FOXM1: variants seen among roughly 807,000 people sequenced by gnomAD.
FOXM1 encodes forkhead box protein M1.
Under a neutral mutation model 63.6 loss-of-function variants are expected in FOXM1, and 25 were observed. The observed-to-expected ratio is 0.39, with a 90% confidence interval of 0.29 to 0.55. The LOEUF is 0.55. FOXM1 is among the 20% of genes least tolerant of loss of function. FOXM1 has a pLI of 0.60. For synonymous variants in FOXM1, 387 were observed against 376.9 expected, an observed-to-expected ratio of 1.03 and a Z score of -0.31; for missense variants, 879 against 958.7, an observed-to-expected ratio of 0.92 and a Z score of 1.10.
chr12:2,875,766 T>A lies in FOXM1; in HGVS notation c.-48+1154A>T, dbSNP rs891607017. 8.0e-3 allele frequency among the ~76,000 whole-genome samples: 1,205 copies of A among 150,282 alleles called. 18 individuals carry two copies. Among genetic ancestry groups the A allele is most frequent in the African/African-American group, 0.027 (1,114 of 40,796 alleles). ...TCTTTTGTTGATTTTTTTTAATTTT[T>A]TTTTTTTTTTTGAGACGGAGCTTCG... is the stretch of plus-strand genomic sequence containing the variant. On this transcript the variant is annotated intron_variant, in intron 1 of 8. Coordinates refer to ENST00000359843, the MANE Select transcript of FOXM1 (RefSeq NM_021953.4).
At chr12:2,870,346 C>T (rs563251387) in intron 3 of FOXM1, among the ~76,000 whole-genome samples, 139 of 152,266 alleles carry the variant, frequency 9.1e-4, no homozygotes, top group Middle Eastern at 3.4e-3. Context: ...GAACAGAAAA[C>T]CAAATATTGC....
chr12:2,868,611 A>G lies in FOXM1; in HGVS notation c.798T>C (p.Ile266=), dbSNP rs1222364837. The change falls in exon 4 of 9, where the codon ATT becomes ATC. Residue 266 remains isoleucine, a synonymous_variant. Coordinates refer to ENST00000359843, the MANE Select transcript of FOXM1 (RefSeq NM_021953.4). ...GCTTAAAGTAGGGAAAGTGGTCCTC[A>G]ATCCACGTATAGATGTCTTTCAAAG... ...RMTLKDIYTW[I]EDHFPYFKHI... The G allele has an allele frequency of 4.3e-6, 7 of 1,613,678 alleles. No individual in the cohort carries two copies. The highest frequency in any genetic ancestry group is 2.2e-5 in the East Asian group (1 of 44,888).
intron 1 of FOXM1, chr12:2,876,640 T>G (rs1463242811): frequency 6.6e-6 from 1 of 152,358 alleles, no homozygotes; most frequent in African/African-American, 2.4e-5. Flanking sequence ...ACAGTCGGCC[T>G]AAGAAGGTAG....
Position 2,876,895 on chromosome 12 carries a change from G to T in FOXM1, c.-48+25C>A, listed in dbSNP as rs71579232. ...CCGCCTGTGCCCAGGCCAGGCCTGG[G>T]ACTCCATTGCTGCATCCCGCTCACC... On this transcript the variant is annotated intron_variant, in intron 1 of 8. Coordinates refer to ENST00000359843, the MANE Select transcript of FOXM1 (RefSeq NM_021953.4). 893 of 152,704 alleles carry T rather than the reference G, an allele frequency of 5.8e-3. 5 individuals carry two copies. The highest frequency in any genetic ancestry group is 8.7e-3 in the Non-Finnish European group (593 of 68,398). The allele number at this position is 152,704 out of a possible 1,614,324, so 9.5% of individuals were successfully genotyped here.
Position 2,868,716 on chromosome 12 carries a change from G to A in FOXM1, c.693C>T (p.Asn231=). The A allele has an allele frequency of 6.2e-7, 1 of 1,613,834 alleles. No homozygotes were observed. The highest frequency in any genetic ancestry group is 8.5e-7 in the Non-Finnish European group (1 of 1,179,914). The change falls in exon 4 of 9, where the codon AAC becomes AAT. Residue 231 remains asparagine, a synonymous_variant. Coordinates refer to ENST00000359843, the MANE Select transcript of FOXM1 (RefSeq NM_021953.4). ...AGTAGGGTGGCCGCTCAGACACAGA[G>A]TTCTGCCAGGACGCTGATGGTCTCG... The part of the protein sequence containing the change: ...EPSRPSASWQ[N]SVSERPPYSY...
Position 2,858,282 on chromosome 12 carries a change from T to G in FOXM1, c.*356A>C. 1 of 200,358 alleles carries G rather than the reference T, an allele frequency of 5.0e-6. No homozygotes were observed. Among genetic ancestry groups the G allele is most frequent in the Non-Finnish European group, 1.0e-5 (1 of 99,086 alleles). The allele number at this position is 200,358 out of a possible 1,614,324, so 12.4% of individuals were successfully genotyped here. Reference sequence around the variant, plus strand: ...CTTACATTTATAATTAGAGGATAATTTGGAGAATTTATACTATTTACACGG... The same window carrying G: ...CTTACATTTATAATTAGAGGATAATGTGGAGAATTTATACTATTTACACGG... On this transcript the variant is annotated 3_prime_UTR_variant, in exon 9 of 9. Coordinates refer to ENST00000359843, the MANE Select transcript of FOXM1 (RefSeq NM_021953.4).
intron 3 of FOXM1, among the ~76,000 whole-genome samples, chr12:2,869,396 A>G (rs1021986335): frequency 6.6e-6 from 1 of 151,300 alleles, no homozygotes; most frequent in Non-Finnish European, 1.5e-5. Flanking sequence ...TCAGCCTCCA[A>G]GTAGCTGGGA....
Position 2,859,317 on chromosome 12 carries a change from C to A in FOXM1, c.1613G>T (p.Arg538Met), listed in dbSNP as rs2098103187. 1 of 1,613,438 alleles carries A rather than the reference C, an allele frequency of 6.2e-7. No individual in the cohort carries two copies. Among genetic ancestry groups the A allele is most frequent in the African/African-American group, 1.3e-5 (1 of 74,878 alleles). The change falls in exon 9 of 9, where the codon AGG becomes ATG. Residue 538 changes from arginine to methionine, a missense_variant. Transcript: ENST00000359843. ...SEMLVIQHRE[R>M]RERSRSRRKQ... ...TCTCCGAGACCGGCTCCTCTCCCTCCTCTCCCTGTGTTGAATCACAAGCAT... is the reference window on the plus strand; with the variant it reads ...TCTCCGAGACCGGCTCCTCTCCCTCATCTCCCTGTGTTGAATCACAAGCAT...
chr12:2,860,746 C>T (rs575148829), intron 8 of FOXM1, among the ~76,000 whole-genome samples: 3 of 151,832 alleles, frequency 2.0e-5, no homozygotes, highest in Non-Finnish European at 4.4e-5. Context: ...GTGGCATGCA[C>T]CTGTAATCCC....
chr12:2,874,660 G>A lies in FOXM1; in HGVS notation c.-47-135C>T, dbSNP rs946831953. ...CCAGGTAAACATTCCATGGACTTTTGTAAAGACCTCAGATAATAAGGAGAT... is the reference window on the plus strand; with the variant it reads ...CCAGGTAAACATTCCATGGACTTTTATAAAGACCTCAGATAATAAGGAGAT... On this transcript the variant is annotated intron_variant, in intron 1 of 8. Transcript: ENST00000359843. The surrounding 1 kb of genome is among the most constrained non-coding windows in gnomAD (Gnocchi z 4.3). 39 of 630,776 alleles carry A rather than the reference G, an allele frequency of 6.2e-5. No individual in the cohort carries two copies. In the East Asian group the frequency reaches 9.0e-4, roughly 14 times the overall value. The allele number at this position is 630,776 out of a possible 1,614,324, so 39.1% of individuals were successfully genotyped here. A position where few individuals can be genotyped will look rare whatever the true frequency, so the allele number is the denominator to read the frequency against.
At chr12:2,865,497 T>C in intron 5 of FOXM1, 98 bp from the exon 6 acceptor site, 1 of 977,324 alleles carries the variant, frequency 1.0e-6, no homozygotes, top group South Asian at 1.5e-5. Context: ...TCCTGACTGA[T>C]GACAAAAGAC....
rs2098120250 is a variant in FOXM1, at chr12:2,864,821, AC to A, written c.1021-70del. 3 of 1,518,862 alleles carry A rather than the reference AC, an allele frequency of 2.0e-6. No individual in the cohort carries two copies. Among genetic ancestry groups the A allele is most frequent in the Middle Eastern group, 1.7e-4 (1 of 5,880 alleles). 94.1% of individuals were successfully genotyped at this position (1,518,862 alleles called of 1,614,324 possible). On this transcript the variant is annotated intron_variant, in intron 6 of 8. Transcript: ENST00000359843. This position sits in a 1 kb window ranked among gnomAD's most constrained non-coding sequence, Gnocchi z 5.1. ...AATAAGGTAAAGAGGGGATGGCAAAACCCCACCAGCTGCTCTGGTGGTGTGT... is the reference window on the plus strand; with the variant it reads ...AATAAGGTAAAGAGGGGATGGCAAAACCCACCAGCTGCTCTGGTGGTGTGT...
chr12:2,872,752 G>A lies in FOXM1; in HGVS notation c.503-505C>T, dbSNP rs1396869556. On this transcript the variant is annotated intron_variant, in intron 2 of 8. Transcript: ENST00000359843. This position sits in a 1 kb window ranked among gnomAD's most constrained non-coding sequence, Gnocchi z 4.0. ...ATTTCAGGACAAATTTAGGAGCATA[G>A]TTCAAATTGCATTTCAAGCTGAGCC... 6.6e-6 allele frequency among the ~76,000 whole-genome samples: 1 copy of A among 152,178 alleles called. No individual in the cohort carries two copies. The highest frequency in any genetic ancestry group is 1.9e-4 in the East Asian group (1 of 5,196).
rs778613256 is a variant in FOXM1 at position 2,864,635 on chromosome 12, T to C, written c.1090+48A>G. On this transcript the variant is annotated intron_variant, in intron 7 of 8. Coordinates refer to ENST00000359843, the MANE Select transcript of FOXM1 (RefSeq NM_021953.4). This position sits in a 1 kb window ranked among gnomAD's most constrained non-coding sequence, Gnocchi z 5.1. ...CCCAGAGTCTGGTTCCCTAAAGATA[T>C]GGCCCCAGAACAAGGACCAGGCCCA... 62 of 1,600,438 alleles carry C rather than the reference T, an allele frequency of 3.9e-5. No homozygotes were observed. The highest frequency in any genetic ancestry group is 1.7e-4 in the Middle Eastern group (1 of 5,918).
rs2098120070 is a variant in FOXM1, at chr12:2,864,733, G to A, written c.1040C>T (p.Pro347Leu). ...GATGGTCATGTTCCGGCGGAGCTCT[G>A]GATTCGGTCGTTTCTGCTGCTGCTT... ...HLESQQKRPN[P>L]ELRRNMTIKT... The change falls in exon 7 of 9, where the codon CCA (proline) becomes CTA (leucine). Residue 347 changes from proline to leucine, a missense_variant. Physicochemically the swap from Pro to Leu is moderately conservative, Grantham distance 98. This residue lies in a region of FOXM1 where 76 missense variants were observed against 94.5 expected (regional missense o/e 0.80). Coordinates refer to ENST00000359843, the MANE Select transcript of FOXM1 (RefSeq NM_021953.4). This position sits in a 1 kb window ranked among gnomAD's most constrained non-coding sequence, Gnocchi z 5.1. 4 of 1,614,172 alleles carry A rather than the reference G, an allele frequency of 2.5e-6. No individual in the cohort carries two copies. Among genetic ancestry groups the A allele is most frequent in the Non-Finnish European group, 3.4e-6 (4 of 1,180,030 alleles).
intron 5 of FOXM1, among the ~76,000 whole-genome samples, chr12:2,865,643 CTTTTTTTT>C (rs58125017): frequency 1.5e-5 from 1 of 67,984 alleles, no homozygotes; most frequent in Admixed American, 2.2e-4. Context: ...CTAAGGCAGG[CTTTTTTTT>C]TTTTTTTTTT....
rs1171297537 is a variant in FOXM1, at chr12:2,874,933, T to C, written c.-47-408A>G. On this transcript the variant is annotated intron_variant, in intron 1 of 8. Coordinates refer to ENST00000359843, the MANE Select transcript of FOXM1 (RefSeq NM_021953.4). The surrounding 1 kb of genome is among the most constrained non-coding windows in gnomAD (Gnocchi z 4.3). ...GCTAGAATAGGAAAGCATATGGTAA[T>C]TAGGAGTCCTGATGAAACTCTGATC... 6.6e-6 allele frequency among the ~76,000 whole-genome samples: 1 copy of C among 152,056 alleles called. No individual in the cohort carries two copies. The highest frequency in any genetic ancestry group is 1.5e-5 in the Non-Finnish European group (1 of 68,006).
Position 2,862,143 on chromosome 12 carries a change from C to T in FOXM1, c.1266+2177G>A, listed in dbSNP as rs193281225. The stretch of plus-strand genomic sequence containing the variant: ...GCAGTGAGCCAAGATCATGCCATTG[C>T]ACTCCAGCCTGGGCGACAGAGTGAG... On this transcript the variant is annotated intron_variant, in intron 8 of 8. Coordinates refer to ENST00000359843, the MANE Select transcript of FOXM1 (RefSeq NM_021953.4). Among the ~76,000 whole-genome samples, 818 of 148,946 alleles carry T rather than the reference C, an allele frequency of 5.5e-3. 5 individuals carry two copies. Among genetic ancestry groups the T allele is most frequent in the Non-Finnish European group, 9.1e-3 (619 of 67,720 alleles).
At chr12:2,870,383 G>T (rs1189866357) in intron 3 of FOXM1, among the ~76,000 whole-genome samples, 1 of 152,246 alleles carries the variant, frequency 6.6e-6, no homozygotes, top group Non-Finnish European at 1.5e-5. Flanking sequence ...GTAGGAACTA[G>T]GCTGGGTACG....
Sources: allele counts gnomAD v4.1 joint callset (sites outside exome capture counted in the v4.1 genomes callset), GRCh38; gene constraint gnomAD v4.1.1; regional missense constraint gnomAD v4.1.1; non-coding constraint Gnocchi (gnomAD v3.1); transcripts MANE v1.5; gene names NCBI Gene and HGNC (gene_info 2026-07-23, HGNC 2026-07-21).